ANXA1: variants seen among roughly 807,000 people sequenced by gnomAD.
The protein encoded by ANXA1 is annexin A1, also known as annexin I (lipocortin I).
In ANXA1, 39 loss-of-function variants were observed where a neutral mutation model predicts 47.9. The ratio of observed to expected loss-of-function variants is 0.81; its 90% CI spans 0.63 to 1.06. The LOEUF (loss-of-function observed/expected upper bound fraction) is 1.06, where lower values mean the gene tolerates loss of function less well. Ranked by LOEUF, ANXA1 falls within the 50% of genes least tolerant of loss-of-function variation. The probability of loss-of-function intolerance (pLI) is 0.00; values close to 1 mark genes in which losing one functional copy is unlikely to be tolerated. For synonymous variants in ANXA1, 146 were observed against 142.5 expected (o/e 1.02, Z -0.17); for missense variants, 446 against 422.7 (o/e 1.06, Z -0.48).
At chr9:73,158,333 T>G (rs1824081391) in intron 1 of ANXA1, 189 bp from the exon 2 acceptor site, 1 of 530,140 alleles carries the variant, frequency 1.9e-6, no homozygotes, top group Non-Finnish European at 3.4e-6. Flanking sequence ...GGTTTCATTT[T>G]AAGTATAAAA....
intron 1 of ANXA1, among the ~76,000 whole-genome samples, chr9:73,155,191 T>C (rs1308688727): frequency 6.6e-6 from 1 of 152,230 alleles, no homozygotes; most frequent in African/African-American, 2.4e-5. Flanking sequence ...AATTTCCTTA[T>C]AGATTTGCCT....
In ANXA1 at chr9:73,158,791, A is replaced by T. The variant is rs141175221; in HGVS notation, c.163A>T (p.Ile55Leu). The change falls in exon 3 of 13, where the codon ATA (isoleucine) becomes TTA (leucine). Residue 55 changes from isoleucine (I) to leucine (L), a missense_variant. Ile to Leu is a conservative substitution (Grantham distance 5). Coordinates refer to ENST00000257497, the MANE Select transcript of ANXA1 (RefSeq NM_000700.3). ...SSDVAALHKA[I>L]MVKGVDEATI... ...GGATGTCGCTGCCTTGCATAAGGCCATAATGGTTAAAGGTAACGTGTTTCC... is the reference window on the plus strand; with the variant it reads ...GGATGTCGCTGCCTTGCATAAGGCCTTAATGGTTAAAGGTAACGTGTTTCC... 7.0e-5 allele frequency: 113 copies of T among 1,613,232 alleles called. No homozygotes were observed. The East Asian group carries it at 2.5e-3, about 36-fold the overall frequency.
chr9:73,162,778 T>C lies in ANXA1; in HGVS notation c.476-4T>C, dbSNP rs1001780799. On this transcript the variant is annotated splice_region_variant and splice_polypyrimidine_tract_variant and intron_variant, in intron 6 of 12. Transcript: ENST00000257497. ...CTATAAAATCTATTTTTCTTTTTTC[T>C]CAGAACTGAAGAGAGATCTGGCCAA... The C allele has an allele frequency of 1.1e-5, 17 of 1,607,426 alleles. No individual in the cohort carries two copies. The highest frequency in any genetic ancestry group is 1.4e-5 in the Non-Finnish European group (16 of 1,176,380).
In ANXA1 at chr9:73,162,806, A is replaced by G. The variant is rs1824165011; in HGVS notation, c.500A>G (p.Asp167Gly). Residue 167 changes from aspartate (D) to glycine (G), a missense_variant, in exon 7 of 13, where the codon GAC becomes GGC. Physicochemically the swap from Asp to Gly is moderately conservative, Grantham distance 94 (BLOSUM62 -1). Transcript: ENST00000257497. ...REELKRDLAK[D>G]ITSDTSGDFR... ...GAACTGAAGAGAGATCTGGCCAAAG[A>G]CATAACCTCAGACACATCTGGAGAT... 3 of 1,613,206 alleles carry G rather than the reference A, an allele frequency of 1.9e-6. No individual in the cohort carries two copies. Among genetic ancestry groups the G allele is most frequent in the Non-Finnish European group, 2.5e-6 (3 of 1,179,480 alleles).
At chr9:73,168,931 G>T (rs2118182476) in intron 11 of ANXA1, 101 bp from the exon 12 acceptor site, 211 of 898,504 alleles carry the variant, frequency 2.3e-4, no homozygotes, top group Middle Eastern at 8.0e-4. Context: ...TTTCTCTATA[G>T]AAATTATATG....
At chr9:73,154,458 C>A in intron 1 of ANXA1, 1 of 965,036 alleles carries the variant, frequency 1.0e-6, no homozygotes, top group South Asian at 1.4e-5. Context: ...TTCTTCCCGA[C>A]AGAGTCTTGT....
intron 11 of ANXA1, 31 bp downstream of exon 11, chr9:73,167,586 T>G: frequency 2.5e-6 from 4 of 1,582,758 alleles, no homozygotes; most frequent in Non-Finnish European, 3.4e-6. Context: ...ATGTCCTGCT[T>G]AGAGGAAGAA....
intron 9 of ANXA1, chr9:73,165,474 G>C (rs533557579): frequency 2.0e-5 from 5 of 244,684 alleles, no homozygotes; most frequent in Non-Finnish European, 3.9e-5. Context: ...AAAAGATTTG[G>C]AATATGTGTG....
chr9:73,156,636 G>T (rs539096727), intron 1 of ANXA1, among the ~76,000 whole-genome samples: 2 of 152,298 alleles, frequency 1.3e-5, no homozygotes, highest in African/African-American at 4.8e-5. Flanking sequence ...GTTATTACTT[G>T]CAACTCCAGT....
chr9:73,158,936 G>A (rs1461826774), intron 3 of ANXA1, 133 bp downstream of exon 3: 8 of 765,832 alleles, frequency 1.0e-5, no homozygotes, highest in African/African-American at 3.5e-5. Flanking sequence ...TTTGCCAAAC[G>A]AAGATGTAAT....
At chr9:73,159,230 G>A in intron 3 of ANXA1, 99 bp from the exon 4 acceptor site, 1 of 953,170 alleles carries the variant, frequency 1.0e-6, no homozygotes, top group Non-Finnish European at 1.6e-6. Flanking sequence ...TTCTTAATTT[G>A]TTAAGAAGTT....
At chr9:73,164,995 A>T in intron 8 of ANXA1, 121 bp from the exon 9 acceptor site, 1 of 667,610 alleles carries the variant, frequency 1.5e-6, no homozygotes, top group Non-Finnish European at 2.5e-6. Context: ...CTTATTGTTG[A>T]CTACTCTGAT....
chr9:73,160,423 T>A (rs201927957), intron 5 of ANXA1, 47 bp downstream of exon 5: 1 of 1,323,428 alleles, frequency 7.6e-7, no homozygotes, highest in Non-Finnish European at 1.0e-6. Flanking sequence ...GAGGATGTAT[T>A]GGGCAAGTCA....
intron 1 of ANXA1, among the ~76,000 whole-genome samples, chr9:73,156,388 G>A (rs142984092): frequency 6.6e-6 from 1 of 152,076 alleles, no homozygotes; most frequent in Non-Finnish European, 1.5e-5. Flanking sequence ...TGTGGCAACC[G>A]CAATTGCATG....
intron 11 of ANXA1, 193 bp downstream of exon 11, chr9:73,167,748 C>A: frequency 1.9e-6 from 1 of 533,848 alleles, no homozygotes; most frequent in Non-Finnish European, 3.3e-6. Context: ...CTTTTTTTTA[C>A]AGATGAGATT....
chr9:73,167,529 G>T lies in ANXA1; in HGVS notation c.835G>T (p.Ala279Ser), dbSNP rs150591447. 5.2e-5 allele frequency: 84 copies of T among 1,613,306 alleles called. No individual in the cohort carries two copies. In the African/African-American group the frequency reaches 1.0e-3, roughly 20 times the overall value. ...KCATSKPAFF[A>S]EKLHQAMKGV... ...CGCCACAAGCAAACCAGCTTTCTTT[G>T]CAGAGAAGCTTCATCAAGCCATGAA... The change falls in exon 11 of 13, where the codon GCA becomes TCA. Residue 279 changes from alanine (A) to serine (S), a missense_variant. By Grantham distance (99) the Ala-to-Ser change is moderately conservative. Coordinates refer to ENST00000257497, the MANE Select transcript of ANXA1 (RefSeq NM_000700.3).
intron 11 of ANXA1, 135 bp from the exon 12 acceptor site, chr9:73,168,897 G>GTGTA: frequency 1.5e-6 from 1 of 663,688 alleles, no homozygotes; most frequent in Non-Finnish European, 2.6e-6. Flanking sequence ...GTGTGTGTGT[G>GTGTA]TGTGTGTGTG....
intron 1 of ANXA1, chr9:73,158,318 G>T (rs982463104): frequency 3.0e-5 from 15 of 500,616 alleles, no homozygotes; most frequent in Non-Finnish European, 4.7e-5. Flanking sequence ...CAGAGAGGAG[G>T]GTATGGTTTC....
At chr9:73,157,172 A>G (rs946874352) in intron 1 of ANXA1, among the ~76,000 whole-genome samples, 3 of 152,212 alleles carry the variant, frequency 2.0e-5, no homozygotes, top group South Asian at 2.1e-4. Flanking sequence ...TAGGACTACT[A>G]TTTAGACAGC....
Sources: allele counts gnomAD v4.1 joint callset (sites outside exome capture counted in the v4.1 genomes callset), GRCh38; gene constraint gnomAD v4.1.1; transcripts MANE v1.5; gene names NCBI Gene and HGNC (gene_info 2026-07-23, HGNC 2026-07-21).